CHD9: variants seen among roughly 807,000 people sequenced by gnomAD.
CHD9 encodes the protein ATP-dependent chromatin remodeler CHD9.
CHD9 carries 77 observed loss-of-function variants against 316.1 expected under a neutral mutation model. The observed-to-expected ratio is 0.24, with a 90% CI of 0.20 to 0.29. CHD9 has a LOEUF of 0.29. CHD9 is among the 10% of genes least tolerant of loss of function. The pLI, the probability that CHD9 is intolerant of heterozygous loss-of-function variation, is 1.00. For missense variants in CHD9, 2,763 were observed against 3,438.1 expected, an observed-to-expected ratio of 0.80 and a Z score of 4.91; for synonymous variants, 1,129 against 1,158.3, an observed-to-expected ratio of 0.97 and a Z score of 0.51.
chr16:53,139,387 A>G (rs1047212182), intron 1 of CHD9, among the ~76,000 whole-genome samples: 3 of 152,234 alleles, frequency 2.0e-5, no homozygotes, highest in Admixed American at 6.5e-5. Context: ...TGCTAATCAT[A>G]TAATAAATAC....
chr16:53,293,036 A>C lies in CHD9; in HGVS notation c.5494A>C (p.Ile1832Leu). Residue 1832 changes from isoleucine (I) to leucine (L), a missense_variant, in exon 29 of 39, where the codon ATA (isoleucine) becomes CTA (leucine). Coordinates refer to ENST00000447540, the MANE Select transcript of CHD9 (RefSeq NM_001308319.2). ...ATLNPKMAAK[I>L]ERQQRWTRRE... ...TCTTAATCCTAAAATGGCAGCCAAGATAGAAAGACAGCAAAGGTAAGACAA... is the reference window on the plus strand; with the variant it reads ...TCTTAATCCTAAAATGGCAGCCAAGCTAGAAAGACAGCAAAGGTAAGACAA... 1 of 1,612,972 alleles carries C rather than the reference A, an allele frequency of 6.2e-7. No homozygotes were observed. The highest frequency in any genetic ancestry group is 8.5e-7 in the Non-Finnish European group (1 of 1,179,376).
chr16:53,120,246 TA>T (rs141484332), intron 1 of CHD9, among the ~76,000 whole-genome samples: 201 of 115,994 alleles, frequency 1.7e-3, no homozygotes, highest in African/African-American at 6.5e-3. Flanking sequence ...AAAATAAAAA[TA>T]AAAAAATTTT....
Position 53,292,975 on chromosome 16 carries a change from T to A in CHD9, c.5433T>A (p.Pro1811=). The part of the protein sequence containing the change: ...IQQIQPTFSV[P]TSVMQPIYEE... ...AGATACAACCGACTTTCTCGGTGCC[T>A]ACCAGTGTAATGCAGCCTATTTATG... The change falls in exon 29 of 39, where the codon CCT becomes CCA. Residue 1811 remains proline (P), a synonymous_variant. Coordinates refer to ENST00000447540, the MANE Select transcript of CHD9 (RefSeq NM_001308319.2). 2 of 1,613,928 alleles carry A rather than the reference T, an allele frequency of 1.2e-6. No individual in the cohort carries two copies. The highest frequency in any genetic ancestry group is 1.7e-6 in the Non-Finnish European group (2 of 1,179,870).
At chr16:53,078,676 C>T (rs952808407) in intron 1 of CHD9, among the ~76,000 whole-genome samples, 1 of 152,172 alleles carries the variant, frequency 6.6e-6, no homozygotes, top group Admixed American at 6.5e-5. Flanking sequence ...TCAACTTGGA[C>T]TATACAGAAT....
intron 2 of CHD9, among the ~76,000 whole-genome samples, chr16:53,203,709 C>T (rs2045638005): frequency 6.6e-6 from 1 of 151,934 alleles, no homozygotes; most frequent in Admixed American, 6.6e-5. Context: ...TGGGACCTTG[C>T]ATTTCTTCAT....
At chr16:53,278,251 A>G (rs931638337) in intron 24 of CHD9, among the ~76,000 whole-genome samples, 1 of 152,300 alleles carries the variant, frequency 6.6e-6, no homozygotes, top group South Asian at 2.1e-4. Flanking sequence ...AGAACTAGAG[A>G]AAAACAGTCC....
At chr16:53,064,716 GT>G (rs1478902070) in intron 1 of CHD9, among the ~76,000 whole-genome samples, 1 of 152,226 alleles carries the variant, frequency 6.6e-6, no homozygotes, top group Non-Finnish European at 1.5e-5. Context: ...GCTCATGCCT[GT>G]AATCCCAGCA....
chr16:53,099,106 A>G (rs1421424394), intron 1 of CHD9: 1 of 152,736 alleles, frequency 6.5e-6, no homozygotes, highest in Non-Finnish European at 1.5e-5. Flanking sequence ...GCCTGGGCCC[A>G]GAGCCCTGAG....
intron 15 of CHD9, among the ~76,000 whole-genome samples, chr16:53,246,936 A>G (rs2049683633): frequency 6.6e-6 from 1 of 152,244 alleles, no homozygotes; most frequent in Non-Finnish European, 1.5e-5. Context: ...CTGTTTAAAT[A>G]TTAGATATTT....
chr16:53,155,052 G>A (rs2041411894), intron 1 of CHD9, among the ~76,000 whole-genome samples: 1 of 151,848 alleles, frequency 6.6e-6, no homozygotes, highest in Non-Finnish European at 1.5e-5. Context: ...TTTTAACATT[G>A]TTATAAGTTT....
At chr16:53,168,949 T>C (rs1245900521) in intron 2 of CHD9, among the ~76,000 whole-genome samples, 1 of 152,146 alleles carries the variant, frequency 6.6e-6, no homozygotes, top group Non-Finnish European at 1.5e-5. Flanking sequence ...GGCATGGTGC[T>C]TTGGGAGCAC....
At chr16:53,065,934 A>ATCCTG (rs1295946661) in intron 1 of CHD9, among the ~76,000 whole-genome samples, 4 of 152,164 alleles carry the variant, frequency 2.6e-5, no homozygotes, top group Non-Finnish European at 5.9e-5. Context: ...CCAGAGACAC[A>ATCCTG]TCCTGTCCTG....
At chr16:53,166,858 C>T (rs1349502889) in intron 2 of CHD9, among the ~76,000 whole-genome samples, 1 of 152,106 alleles carries the variant, frequency 6.6e-6, no homozygotes, top group East Asian at 1.9e-4. Context: ...GTTTTTCCTA[C>T]ATAAGTATGT....
intron 1 of CHD9, among the ~76,000 whole-genome samples, chr16:53,137,416 C>T (rs988183186): frequency 2.0e-5 from 3 of 152,030 alleles, no homozygotes; most frequent in Non-Finnish European, 2.9e-5. Context: ...CACATGTGCC[C>T]ACGTTTCTGT....
At chr16:53,069,895 T>G (rs527546002) in intron 1 of CHD9, among the ~76,000 whole-genome samples, 1 of 144,978 alleles carries the variant, frequency 6.9e-6, no homozygotes, top group East Asian at 2.0e-4. Flanking sequence ...CTTGTCAACG[T>G]TTGTTATTTT....
rs1316608609 is a variant in CHD9, at chr16:53,324,055, C to T, written c.7854C>T (p.Leu2618=). Residue 2618 remains leucine (L), a synonymous_variant, in exon 39 of 39, where the codon CTC becomes CTT. Coordinates refer to ENST00000447540, the MANE Select transcript of CHD9 (RefSeq NM_001308319.2). ...CAGAAAGCATGTATGAACGTATTCTCACTGGTCCCGTTGTGAGAGAGGAAG... is the reference window on the plus strand; with the variant it reads ...CAGAAAGCATGTATGAACGTATTCTTACTGGTCCCGTTGTGAGAGAGGAAG... ...FLPESMYERI[L]TGPVVREEVS... 6.2e-7 allele frequency: 1 copy of T among 1,613,654 alleles called. No individual in the cohort carries two copies. The highest frequency in any genetic ancestry group is 8.5e-7 in the Non-Finnish European group (1 of 1,179,644).
intron 1 of CHD9, among the ~76,000 whole-genome samples, chr16:53,141,188 G>C (rs912606971): frequency 2.6e-5 from 4 of 152,024 alleles, no homozygotes; most frequent in African/African-American, 9.7e-5. Flanking sequence ...GTCATTTTTT[G>C]AGACCAGTAC....
intron 29 of CHD9, among the ~76,000 whole-genome samples, chr16:53,295,449 A>C (rs2054693980): frequency 6.6e-6 from 1 of 152,106 alleles, no homozygotes; most frequent in Non-Finnish European, 1.5e-5. Context: ...TTTTTTAACC[A>C]GTCTAGCTCA....
intron 1 of CHD9, among the ~76,000 whole-genome samples, chr16:53,135,361 A>C (rs1246212089): frequency 6.6e-6 from 1 of 152,210 alleles, no homozygotes; most frequent in Non-Finnish European, 1.5e-5. Flanking sequence ...TAAAAATGCT[A>C]CTTTGAGAAT....
Sources: gnomAD v4.1 joint callset for allele counts (sites outside exome capture counted in the v4.1 genomes callset) on GRCh38, gnomAD v4.1.1 for gene constraint, MANE v1.5 for transcripts, NCBI Gene and HGNC (gene_info 2026-07-23, HGNC 2026-07-21) for gene names.